CPAMD8: variants seen among roughly 807,000 people sequenced by gnomAD.
The protein encoded by CPAMD8 is C3 and PZP like alpha-2-macroglobulin domain containing 8.
Under a neutral mutation model 224.7 loss-of-function variants are expected in CPAMD8, and 146 were observed. The observed-to-expected ratio is 0.65, with a 90% confidence interval of 0.57 to 0.75. CPAMD8 has a LOEUF of 0.75. Ranked by LOEUF, CPAMD8 falls within the 30% of genes least tolerant of loss-of-function variation. CPAMD8 has a pLI of 0.00. For synonymous variants in CPAMD8, 966 were observed against 1,044.6 expected (o/e 0.92, Z 1.45); for missense variants, 2,301 against 2,537.5 (o/e 0.91, Z 2.00).
In CPAMD8 at chr19:16,928,235, C is replaced by A. The variant is rs746292753; in HGVS notation, c.3145-1G>T. 11 of 1,608,304 alleles carry A rather than the reference C, an allele frequency of 6.8e-6. No individual in the cohort carries two copies. In the Admixed American group the frequency reaches 1.0e-4, roughly 15 times the overall value. On this transcript the variant is annotated splice_acceptor_variant, in intron 24 of 41. Coordinates refer to ENST00000443236, the MANE Select transcript of CPAMD8 (RefSeq NM_015692.5). LOFTEE classifies it high-confidence loss of function. ...TGGATGGCTCTGGACCATGGCCAAC[C>A]TGGAAAAAGAAACCAAGGCTGCTGG...
intron 11 of CPAMD8, 47 bp from the exon 12 acceptor site, chr19:16,993,633 C>T: frequency 6.4e-7 from 1 of 1,561,444 alleles, no homozygotes; most frequent in South Asian, 1.1e-5. Context: ...CGGCCATGCT[C>T]CCCAAACTGA....
At chr19:16,978,909 TCATCATC>T (rs2055381479) in intron 14 of CPAMD8, among the ~76,000 whole-genome samples, 1 of 147,846 alleles carries the variant, frequency 6.8e-6, no homozygotes, top group Admixed American at 6.7e-5. Flanking sequence ...ATCCCTCTAT[TCATCATC>T]CATCATCCAC....
intron 13 of CPAMD8, among the ~76,000 whole-genome samples, chr19:16,989,016 T>C (rs925430914): frequency 6.6e-6 from 1 of 152,108 alleles, no homozygotes; most frequent in Non-Finnish European, 1.5e-5. Flanking sequence ...TGATGATCTG[T>C]CACTGTCTCC....
chr19:16,983,611 T>G (rs2055593263), intron 13 of CPAMD8, among the ~76,000 whole-genome samples: 1 of 151,984 alleles, frequency 6.6e-6, no homozygotes, highest in Non-Finnish European at 1.5e-5. Context: ...GAATAAAATT[T>G]TCAGATTGGA....
chr19:16,990,863 CAAAAAA>C (rs3067791), intron 12 of CPAMD8, among the ~76,000 whole-genome samples: 2,722 of 72,998 alleles, frequency 0.037, 44 homozygotes, highest in Non-Finnish European at 0.051. Flanking sequence ...AACTCTGTCT[CAAAAAA>C]AAAAAAAAAA....
intron 19 of CPAMD8, chr19:16,957,579 G>C (rs935829930): frequency 2.7e-6 from 1 of 370,564 alleles, no homozygotes; most frequent in Non-Finnish European, 4.9e-6. Flanking sequence ...TAATGAGCTC[G>C]TTATACAAAC....
At position 16,899,357 on chromosome 19, in the gene CPAMD8, C is replaced by T. The variant is rs2052157667; in HGVS notation, c.4848+118G>A. 1 of 652,042 alleles carries T rather than the reference C, an allele frequency of 1.5e-6. No individual in the cohort carries two copies. Among genetic ancestry groups the T allele is most frequent in the Middle Eastern group, 2.7e-4 (1 of 3,766 alleles). 40.4% of individuals were successfully genotyped at this position (652,042 alleles called of 1,614,324 possible). On this transcript the variant is annotated intron_variant, in intron 37 of 41. Coordinates refer to ENST00000443236, the MANE Select transcript of CPAMD8 (RefSeq NM_015692.5). This position sits in a 1 kb window ranked among gnomAD's most constrained non-coding sequence, Gnocchi z 5.4. ...CAGGCATGAGCCACCATGCCCGGCCCCAGTGTCTTTTTTATGGTACAAGAT... is the reference window on the plus strand; with the variant it reads ...CAGGCATGAGCCACCATGCCCGGCCTCAGTGTCTTTTTTATGGTACAAGAT...
chr19:17,012,350 CT>C (rs984597501), intron 3 of CPAMD8, among the ~76,000 whole-genome samples: 198 of 74,292 alleles, frequency 2.7e-3, no homozygotes, highest in Admixed American at 2.9e-3. Context: ...TTCTTTCTTT[CT>C]TTTTTTTTTT....
Position 16,925,181 on chromosome 19 carries a change from C to G in CPAMD8, c.3547+15G>C. Reference sequence around the variant, plus strand: ...CCTTGCTCCCACCTCAACCCAGGCACTTCTTCCCCAATACCTTGTACTAGG... The same window carrying G: ...CCTTGCTCCCACCTCAACCCAGGCAGTTCTTCCCCAATACCTTGTACTAGG... On this transcript the variant is annotated intron_variant, in intron 26 of 41. Coordinates refer to ENST00000443236, the MANE Select transcript of CPAMD8 (RefSeq NM_015692.5). 6.2e-7 allele frequency: 1 copy of G among 1,613,346 alleles called. No homozygotes were observed. Among genetic ancestry groups the G allele is most frequent in the Non-Finnish European group, 8.5e-7 (1 of 1,179,438 alleles).
rs2052318890 is a variant in CPAMD8 at position 16,902,853 on chromosome 19, G to C, written c.4481C>G (p.Thr1494Ser). The C allele has an allele frequency of 6.5e-7, 1 of 1,532,124 alleles. No individual in the cohort carries two copies. The highest frequency in any genetic ancestry group is 1.4e-5 in the African/African-American group (1 of 72,408). The allele number at this position is 1,532,124 out of a possible 1,614,324, so 94.9% of individuals were successfully genotyped here. The change falls in exon 35 of 42, where the codon ACC becomes AGC. Residue 1494 changes from threonine to serine, a missense_variant. Physicochemically the swap from Thr to Ser is moderately conservative, Grantham distance 58 (BLOSUM62 1). This residue lies in a region of CPAMD8 where 1,709 missense variants were observed against 1,753.2 expected (regional missense o/e 0.97). Transcript: ENST00000443236. ...GGCCACCGGGTCAGGCACATTGTAGGTGACATCAATCTGGGGGGTGTTGGA... is the reference window on the plus strand; with the variant it reads ...GGCCACCGGGTCAGGCACATTGTAGCTGACATCAATCTGGGGGGTGTTGGA... ...DGCCLMQIDVTYNVPDPVAKP... is the reference protein window; with the variant it reads ...DGCCLMQIDVSYNVPDPVAKP...
intron 23 of CPAMD8, among the ~76,000 whole-genome samples, chr19:16,935,915 C>T (rs1053165223): frequency 1.3e-5 from 2 of 151,586 alleles, no homozygotes; most frequent in Admixed American, 1.3e-4. Context: ...TCTTTGCCAT[C>T]ATTTAGTGTT....
At chr19:16,994,993 G>A (rs1346172608) in intron 11 of CPAMD8, among the ~76,000 whole-genome samples, 5 of 152,098 alleles carry the variant, frequency 3.3e-5, no homozygotes, top group Non-Finnish European at 7.4e-5. Context: ...GAATGCAGAT[G>A]GTAGGTATTT....
chr19:16,979,233 CATCT>C (rs1178777301), intron 14 of CPAMD8, among the ~76,000 whole-genome samples: 14 of 150,582 alleles, frequency 9.3e-5, no homozygotes, highest in South Asian at 4.2e-4. Flanking sequence ...TCCATCCATC[CATCT>C]ATTCATCTAA....
chr19:16,982,209 C>T (rs1275613066), intron 13 of CPAMD8, among the ~76,000 whole-genome samples: 1 of 152,068 alleles, frequency 6.6e-6, no homozygotes, highest in Non-Finnish European at 1.5e-5. Flanking sequence ...GCCACAGCAA[C>T]ATGGTGAAAC....
intron 3 of CPAMD8, among the ~76,000 whole-genome samples, chr19:17,018,733 C>CAT (rs2056876619): frequency 6.6e-6 from 1 of 150,976 alleles, no homozygotes; most frequent in South Asian, 2.1e-4. Flanking sequence ...CACACACACA[C>CAT]ACACACACAC....
In CPAMD8 at chr19:16,993,013, T is replaced by A. The variant is rs1221598083; in HGVS notation, c.1266+403A>T. Among the ~76,000 whole-genome samples the A allele has an allele frequency of 2.0e-5, 3 of 152,072 alleles. No homozygotes were observed. In the East Asian group the frequency reaches 5.8e-4, roughly 29 times the overall value. On this transcript the variant is annotated intron_variant, in intron 12 of 41. Transcript: ENST00000443236. Reference sequence around the variant, plus strand: ...CCCGTGAGGTGGCGGAAACCACCATTGGCTCTCTCCCCAATCTCTTTCCAA... The same window carrying A: ...CCCGTGAGGTGGCGGAAACCACCATAGGCTCTCTCCCCAATCTCTTTCCAA...
In CPAMD8 at chr19:16,899,409, G is replaced by T; in HGVS notation, c.4848+66C>A. The T allele has an allele frequency of 2.5e-6, 2 of 795,076 alleles. No homozygotes were observed. Among genetic ancestry groups the T allele is most frequent in the South Asian group, 2.7e-5 (2 of 74,002 alleles). The allele number at this position is 795,076 out of a possible 1,614,324, so 49.3% of individuals were successfully genotyped here. On this transcript the variant is annotated intron_variant, in intron 37 of 41. Coordinates refer to ENST00000443236, the MANE Select transcript of CPAMD8 (RefSeq NM_015692.5). The surrounding 1 kb of genome is among the most constrained non-coding windows in gnomAD (Gnocchi z 5.4). ...CTTGCAGGGAGCCACACCAGGCAGT[G>T]ACCGGTGCACCCTCACCAACATGCA...
At position 17,004,256 on chromosome 19, in the gene CPAMD8, G is replaced by A. The variant is rs748355489; in HGVS notation, c.673+17C>T. 1.9e-6 allele frequency: 3 copies of A among 1,543,236 alleles called. No individual in the cohort carries two copies. Among genetic ancestry groups the A allele is most frequent in the Non-Finnish European group, 2.7e-6 (3 of 1,116,380 alleles). ...CCCAGATCTGAAATCCCAAGACCCT[G>A]AGATTCTCCAACTTACCATACTTCT... On this transcript the variant is annotated intron_variant, in intron 8 of 41. Transcript: ENST00000443236.
chr19:16,976,903 A>G, intron 15 of CPAMD8, among the ~76,000 whole-genome samples: 4 of 152,076 alleles, frequency 2.6e-5, no homozygotes, highest in African/African-American at 9.7e-5. Flanking sequence ...TTAGCCAGAC[A>G]TGGTGGCACA....
Sources: gnomAD v4.1 joint callset for allele counts (sites outside exome capture counted in the v4.1 genomes callset) on GRCh38, gnomAD v4.1.1 for gene constraint, gnomAD v4.1.1 regional missense constraint, Gnocchi (gnomAD v3.1) non-coding constraint, MANE v1.5 for transcripts, NCBI Gene and HGNC (gene_info 2026-07-23, HGNC 2026-07-21) for gene names.